Variants in RBMS1 observed in about 807,000 individuals in gnomAD.
RBMS1 encodes RNA binding motif single stranded interacting protein 1.
A neutral mutation model predicts 62.3 loss-of-function variants in RBMS1; 17 were observed. That is an observed-to-expected ratio of 0.27 (90% CI 0.19 to 0.41). The LOEUF (loss-of-function observed/expected upper bound fraction) is 0.41, where lower values mean the gene tolerates loss of function less well. Among genes scored for constraint, RBMS1 ranks in the 10% least tolerant of loss-of-function variants. The pLI, the probability that RBMS1 is intolerant of heterozygous loss-of-function variation, is 1.00. For synonymous variants in RBMS1, 172 were observed against 170.0 expected, an observed-to-expected ratio of 1.01 and a Z score of -0.09; for missense variants, 334 against 504.5, an observed-to-expected ratio of 0.66 and a Z score of 3.24.
intron 2 of RBMS1, among the ~76,000 whole-genome samples, chr2:160,329,817 T>C (rs1384517128): frequency 1.3e-5 from 2 of 151,876 alleles, no homozygotes; most frequent in African/African-American, 2.4e-5. Flanking sequence ...CATTTACCAA[T>C]CTTGTTTTGA....
chr2:160,301,619 G>A (rs983551482), intron 5 of RBMS1, among the ~76,000 whole-genome samples: 7 of 152,148 alleles, frequency 4.6e-5, no homozygotes, highest in African/African-American at 1.2e-4. Context: ...ACTCACTTGC[G>A]TCATTTTAAC....
At position 160,358,947 on chromosome 2, in the gene RBMS1, T is replaced by TA. The variant is rs975791680; in HGVS notation, c.251+8268dup. 1.3e-4 allele frequency among the ~76,000 whole-genome samples: 20 copies of TA among 151,904 alleles called. No individual in the cohort carries two copies. In the South Asian group the frequency reaches 1.7e-3, roughly 13 times the overall value. ...TCAGTAGCTTTGTAAAATACCATTT[T>TA]AAAAAAAACAGAAAATTCAAACAAC... On this transcript the variant is annotated intron_variant, in intron 2 of 13. Transcript: ENST00000348849.
Position 160,367,691 on chromosome 2 carries a change from C to T in RBMS1, c.76-300G>A, listed in dbSNP as rs79536699. On this transcript the variant is annotated intron_variant, in intron 1 of 13. Transcript: ENST00000348849. ...GAACACATCTGAGACTCAAAACGTG[C>T]ATGAAGTTAGATGATACCATCTTAA... Among the ~76,000 whole-genome samples the T allele has an allele frequency of 0.017, 2,598 of 152,204 alleles. 195 individuals carry two copies. In the East Asian group the frequency reaches 0.23, roughly 14 times the overall value.
intron 1 of RBMS1, among the ~76,000 whole-genome samples, chr2:160,451,758 G>A (rs532471298): frequency 1.3e-5 from 2 of 151,830 alleles, no homozygotes; most frequent in African/African-American, 4.8e-5. Flanking sequence ...ACAGGTGTGC[G>A]CCACCACTCC....
intron 11 of RBMS1, 85 bp downstream of exon 11, chr2:160,278,463 G>A (rs984093070): frequency 9.4e-7 from 1 of 1,062,012 alleles, no homozygotes; most frequent in Middle Eastern, 2.9e-4. Context: ...TATCATAGAG[G>A]CTGTCATTTG....
chr2:160,385,987 T>C (rs1286959729), intron 1 of RBMS1, among the ~76,000 whole-genome samples: 1 of 152,236 alleles, frequency 6.6e-6, no homozygotes, highest in Non-Finnish European at 1.5e-5. Context: ...CAAAAACATG[T>C]GTTCTGACTT....
chr2:160,442,404 G>GT (rs1683446886), intron 1 of RBMS1, among the ~76,000 whole-genome samples: 1 of 152,196 alleles, frequency 6.6e-6, no homozygotes, highest in Non-Finnish European at 1.5e-5. Flanking sequence ...TTGGGAAATA[G>GT]TAGTATCCAG....
chr2:160,399,883 A>G (rs1262488479), intron 1 of RBMS1, among the ~76,000 whole-genome samples: 2 of 152,232 alleles, frequency 1.3e-5, no homozygotes, highest in Non-Finnish European at 2.9e-5. Context: ...ACAATTCAAA[A>G]CAATGAGGCT....
Position 160,447,118 on chromosome 2 carries a change from T to C in RBMS1, c.75+46171A>G, listed in dbSNP as rs919864234. The stretch of plus-strand genomic sequence containing the variant: ...AGTGAAAGTTTACTTCTCATTTATA[T>C]TCCAGTTCAATAGTCCAGGGGCAGG... On this transcript the variant is annotated intron_variant, in intron 1 of 13. Transcript: ENST00000348849. Among the ~76,000 whole-genome samples, 4 of 152,328 alleles carry C rather than the reference T, an allele frequency of 2.6e-5. No individual in the cohort carries two copies. In the East Asian group the frequency reaches 7.7e-4, roughly 29 times the overall value.
At chr2:160,436,826 C>T (rs916798041) in intron 1 of RBMS1, among the ~76,000 whole-genome samples, 1 of 152,002 alleles carries the variant, frequency 6.6e-6, no homozygotes, top group African/African-American at 2.4e-5. Flanking sequence ...TTCTTATTGC[C>T]ACCATCTAAT....
chr2:160,410,300 T>C (rs1288974565), intron 1 of RBMS1, among the ~76,000 whole-genome samples: 2 of 151,320 alleles, frequency 1.3e-5, no homozygotes, highest in African/African-American at 4.9e-5. Context: ...AAAATGTATG[T>C]TCTATAATGG....
At chr2:160,300,596 G>C in intron 6 of RBMS1, 55 bp downstream of exon 6, 1 of 1,524,070 alleles carries the variant, frequency 6.6e-7, no homozygotes. Flanking sequence ...ATGTGCTAAA[G>C]TTAAACATAC....
chr2:160,408,010 C>T (rs1695855673), intron 1 of RBMS1: 11 of 774,942 alleles, frequency 1.4e-5, no homozygotes, highest in Non-Finnish European at 1.7e-5. Context: ...GCCTGCCGCC[C>T]CATCGCCCGC....
chr2:160,410,579 T>C (rs1695985807), intron 1 of RBMS1, among the ~76,000 whole-genome samples: 1 of 152,238 alleles, frequency 6.6e-6, no homozygotes. Flanking sequence ...AGTGCTTAGT[T>C]GTAAGAGTGA....
chr2:160,447,505 G>A (rs1180501760), intron 1 of RBMS1, among the ~76,000 whole-genome samples: 1 of 152,210 alleles, frequency 6.6e-6, no homozygotes, highest in Non-Finnish European at 1.5e-5. Flanking sequence ...AGAATATACA[G>A]TATTAGAAAA....
At chr2:160,321,763 C>A (rs1241180495) in intron 2 of RBMS1, among the ~76,000 whole-genome samples, 1 of 152,162 alleles carries the variant, frequency 6.6e-6, no homozygotes, top group Non-Finnish European at 1.5e-5. Flanking sequence ...AATTCCTGAA[C>A]CCAGGTGATC....
chr2:160,356,548 A>G (rs905513011), intron 2 of RBMS1, among the ~76,000 whole-genome samples: 3 of 152,166 alleles, frequency 2.0e-5, no homozygotes, highest in Admixed American at 6.6e-5. Context: ...CTCTGGAGTC[A>G]GACTGTCCAT....
chr2:160,344,816 C>T (rs927877929), intron 2 of RBMS1, among the ~76,000 whole-genome samples: 1 of 152,096 alleles, frequency 6.6e-6, no homozygotes, highest in Non-Finnish European at 1.5e-5. Flanking sequence ...CCATTTAGCA[C>T]AGTGCTGGAC....
intron 1 of RBMS1, among the ~76,000 whole-genome samples, chr2:160,368,322 T>C (rs967343658): frequency 1.3e-5 from 2 of 152,298 alleles, no homozygotes; most frequent in African/African-American, 4.8e-5. Context: ...ATCATAAATA[T>C]ACTGTACTAA....
Sources: allele counts gnomAD v4.1 joint callset (sites outside exome capture counted in the v4.1 genomes callset), GRCh38; gene constraint gnomAD v4.1.1; transcripts MANE v1.5; gene names NCBI Gene and HGNC (gene_info 2026-07-23, HGNC 2026-07-21).